The following PKIB variants were observed in gnomAD, a reference collection of about 807,000 sequenced individuals.
PKIB encodes the protein PKI-beta.
In PKIB, 2 loss-of-function variants were observed where a neutral mutation model predicts 4.5. The ratio of observed to expected loss-of-function variants is 0.44; its 90% CI spans 0.18 to 1.39. The LOEUF (loss-of-function observed/expected upper bound fraction) is 1.39, where lower values mean the gene tolerates loss of function less well. PKIB is among the 40% of genes most tolerant of loss of function. The pLI, the probability that PKIB is intolerant of heterozygous loss-of-function variation, is 0.27. For missense variants in PKIB, 94 were observed against 92.6 expected, an observed-to-expected ratio of 1.02 and a Z score of -0.06; for synonymous variants, 38 against 36.0, an observed-to-expected ratio of 1.06 and a Z score of -0.20.
intron 1 of PKIB, among the ~76,000 whole-genome samples, chr6:122,475,224 G>A (rs758410419): frequency 2.6e-5 from 4 of 152,086 alleles, no homozygotes; most frequent in South Asian, 2.1e-4. Context: ...GATTACAGGC[G>A]TGTACCAAAA....
intron 3 of PKIB, among the ~76,000 whole-genome samples, chr6:122,685,144 T>C (rs1366301203): frequency 6.6e-6 from 1 of 152,164 alleles, no homozygotes; most frequent in Non-Finnish European, 1.5e-5. Context: ...CTATCTTTAA[T>C]TTAAGAAATG....
At chr6:122,664,619 A>T (rs773193429) in intron 2 of PKIB, among the ~76,000 whole-genome samples, 5 of 152,062 alleles carry the variant, frequency 3.3e-5, no homozygotes, top group Non-Finnish European at 7.4e-5. Flanking sequence ...ACTATGTTGC[A>T]GGATGGACTC....
chr6:122,616,032 C>A (rs955163498), intron 1 of PKIB, among the ~76,000 whole-genome samples: 1 of 152,082 alleles, frequency 6.6e-6, no homozygotes, highest in African/African-American at 2.4e-5. Context: ...GTGAAGATAT[C>A]CAAGAAGCTG....
chr6:122,690,597 C>T (rs1334670665), intron 3 of PKIB, among the ~76,000 whole-genome samples: 3 of 152,106 alleles, frequency 2.0e-5, no homozygotes, highest in African/African-American at 7.2e-5. Flanking sequence ...CTATTTATAT[C>T]TTACTATACT....
At chr6:122,653,923 A>G (rs1032968015) in intron 2 of PKIB, among the ~76,000 whole-genome samples, 3 of 152,068 alleles carry the variant, frequency 2.0e-5, no homozygotes, top group Non-Finnish European at 4.4e-5. Context: ...GCGCCATTAC[A>G]CTCCAGCCTG....
intron 2 of PKIB, among the ~76,000 whole-genome samples, chr6:122,555,188 GAAAAT>G (rs1562249810): frequency 6.6e-6 from 1 of 152,136 alleles, no homozygotes; most frequent in Non-Finnish European, 1.5e-5. Context: ...AAGAAAATCA[GAAAAT>G]AAAGGATATT....
intron 3 of PKIB, among the ~76,000 whole-genome samples, chr6:122,593,276 G>A (rs938955997): frequency 3.3e-5 from 5 of 151,896 alleles, no homozygotes; most frequent in Admixed American, 6.6e-5. Context: ...ATAATCCAGG[G>A]GCAGCGGTAG....
chr6:122,624,084 A>C (rs1406312265), intron 1 of PKIB, among the ~76,000 whole-genome samples: 4 of 152,188 alleles, frequency 2.6e-5, no homozygotes, highest in African/African-American at 9.6e-5. Context: ...TAACTTGGCC[A>C]AGTGTACACA....
chr6:122,618,900 CAG>C (rs1397919536), intron 1 of PKIB, among the ~76,000 whole-genome samples: 1 of 152,034 alleles, frequency 6.6e-6, no homozygotes, highest in Non-Finnish European at 1.5e-5. Context: ...AAAATATCTT[CAG>C]AAAGCCTGTG....
At chr6:122,598,754 G>A (rs954059630) in intron 3 of PKIB, among the ~76,000 whole-genome samples, 1 of 152,002 alleles carries the variant, frequency 6.6e-6, no homozygotes, top group African/African-American at 2.4e-5. Flanking sequence ...CTCACAATGG[G>A]CCATCATTTA....
intron 2 of PKIB, among the ~76,000 whole-genome samples, chr6:122,511,098 C>T (rs1419104889): frequency 6.6e-6 from 1 of 152,150 alleles, no homozygotes; most frequent in Non-Finnish European, 1.5e-5. Flanking sequence ...TTCTCTCCTC[C>T]TGTGACTCAA....
Position 122,578,603 on chromosome 6 carries a change from G to A in PKIB, c.-247-7318G>A, listed in dbSNP as rs148625608. On this transcript the variant is annotated intron_variant, in intron 2 of 6. Transcript: ENST00000392491. ...CCATCTTTCCTTCCTTCCCATTTCC[G>A]CAGTCACTACCCTGATCTTGGTCTC... is the stretch of plus-strand genomic sequence containing the variant. 9.2e-3 allele frequency among the ~76,000 whole-genome samples: 1,392 copies of A among 151,990 alleles called. 23 individuals carry two copies. The highest frequency in any genetic ancestry group is 0.03 in the African/African-American group (1,256 of 41,444).
intron 3 of PKIB, among the ~76,000 whole-genome samples, chr6:122,702,631 G>A (rs9482268): frequency 0.32 from 49,062 of 151,860 alleles, 9,150 homozygotes; most frequent in South Asian, 0.56. Flanking sequence ...TAAGGGAAAT[G>A]TTTTTAAAAA....
At position 122,533,469 on chromosome 6, in the gene PKIB, C is replaced by T. The variant is rs9490473; in HGVS notation, c.-247-52452C>T. 8.7e-4 allele frequency among the ~76,000 whole-genome samples: 132 copies of T among 152,240 alleles called. 1 individual carries two copies. The highest frequency in any genetic ancestry group is 3.2e-3 in the African/African-American group (131 of 41,552). On this transcript the variant is annotated intron_variant, in intron 2 of 6. Transcript: ENST00000392491. ...AGCCCTTATTTAATTTTTAAATGTA[C>T]ACCATCAATACCAATTTCTGATCTA...
chr6:122,594,845 A>G (rs1442415730), intron 3 of PKIB, among the ~76,000 whole-genome samples: 1 of 152,154 alleles, frequency 6.6e-6, no homozygotes, highest in Non-Finnish European at 1.5e-5. Flanking sequence ...CCTGTATTCC[A>G]TGCGTACATT....
At chr6:122,620,546 G>A (rs1172974904) in intron 1 of PKIB, among the ~76,000 whole-genome samples, 1 of 152,180 alleles carries the variant, frequency 6.6e-6, no homozygotes, top group Non-Finnish European at 1.5e-5. Flanking sequence ...AAATATTTGA[G>A]AATATTGTTG....
At chr6:122,589,498 G>C (rs1773954299) in intron 3 of PKIB, among the ~76,000 whole-genome samples, 1 of 152,046 alleles carries the variant, frequency 6.6e-6, no homozygotes, top group Non-Finnish European at 1.5e-5. Flanking sequence ...AGTTGAAGGT[G>C]GCTGTCAAAG....
intron 2 of PKIB, among the ~76,000 whole-genome samples, chr6:122,532,825 G>A (rs1471087198): frequency 6.6e-6 from 1 of 152,080 alleles, no homozygotes; most frequent in Non-Finnish European, 1.5e-5. Flanking sequence ...TTGGGTGCAC[G>A]AATATCTCTT....
chr6:122,643,662 T>A (rs544093205), intron 2 of PKIB: 21 of 152,300 alleles, frequency 1.4e-4, no homozygotes, highest in Non-Finnish European at 2.2e-4. Context: ...TAACTTAATG[T>A]CAAACTATTA....
Sources: allele counts gnomAD v4.1 joint callset (sites outside exome capture counted in the v4.1 genomes callset), GRCh38; gene constraint gnomAD v4.1.1; transcripts MANE v1.5; gene names NCBI Gene and HGNC (gene_info 2026-07-23, HGNC 2026-07-21).